Variants in LAMB3 observed in about 807,000 individuals in gnomAD.
LAMB3 encodes laminin subunit beta 3.
Under a neutral mutation model 140.3 loss-of-function variants are expected in LAMB3, and 104 were observed. The ratio of observed to expected loss-of-function variants is 0.74; its 90% CI spans 0.63 to 0.87. The LOEUF (loss-of-function observed/expected upper bound fraction) is 0.87, where lower values mean the gene tolerates loss of function less well. LAMB3 is among the 40% of genes least tolerant of loss of function. LAMB3 has a pLI of 0.00. For missense variants in LAMB3, 1,531 were observed against 1,575.2 expected (o/e 0.97, Z 0.47); for synonymous variants, 592 against 602.9 (o/e 0.98, Z 0.26).
At chr1:209,633,036 T>C (rs1241922744) in intron 7 of LAMB3, 34 bp downstream of exon 7, 26 of 1,493,740 alleles carry the variant, frequency 1.7e-5, no homozygotes, top group South Asian at 3.4e-5. Flanking sequence ...TTCCCACCCA[T>C]AGTTCCATGG....
Position 209,630,748 on chromosome 1 carries a change from C to T in LAMB3, c.823-13G>A, listed in dbSNP as rs984312974. 1 of 1,613,242 alleles carries T rather than the reference C, an allele frequency of 6.2e-7. No homozygotes were observed. The highest frequency in any genetic ancestry group is 8.5e-7 in the Non-Finnish European group (1 of 1,179,908). On this transcript the variant is annotated splice_polypyrimidine_tract_variant and intron_variant, in intron 8 of 22. Coordinates refer to ENST00000356082, the MANE Select transcript of LAMB3 (RefSeq NM_000228.3). ...AGACATCGTGGACCTGGGAGGGGGA[C>T]CGTCAGCCATCAGGAGTAATCAACA...
At chr1:209,635,848 C>T (rs1300994590) in intron 5 of LAMB3, among the ~76,000 whole-genome samples, 4 of 152,206 alleles carry the variant, frequency 2.6e-5, no homozygotes, top group Admixed American at 2.6e-4. Flanking sequence ...AACTTCTGAC[C>T]ATGAGTGAAG....
At chr1:209,636,680 C>T (rs1466082743) in intron 5 of LAMB3, among the ~76,000 whole-genome samples, 4 of 152,166 alleles carry the variant, frequency 2.6e-5, no homozygotes, top group African/African-American at 7.2e-5. Context: ...ATCTTCTTGC[C>T]GCCTGCCTCC....
In LAMB3 at chr1:209,627,391, A is replaced by G. The variant is rs762462819; in HGVS notation, c.1477T>C (p.Cys493Arg). 10 of 1,613,012 alleles carry G rather than the reference A, an allele frequency of 6.2e-6. No homozygotes were observed. In the South Asian group the frequency reaches 1.1e-4, roughly 18 times the overall value. ...CDPHNSLSPQ[C>R]NQFTGQCPCR... is the part of the protein sequence containing the mutation. ...CCACCCTCACTTCGTACCTGGTTGC[A>G]CTGTGGGCTGAGGGAGTTGTGCGGG... The change falls in exon 12 of 23, where the codon TGC becomes CGC. Residue 493 changes from cysteine to arginine, a missense_variant. Physicochemically the swap from Cys to Arg is radical, Grantham distance 180. Coordinates refer to ENST00000356082, the MANE Select transcript of LAMB3 (RefSeq NM_000228.3).
In LAMB3 at chr1:209,634,396, G is replaced by T. The variant is rs747199200; in HGVS notation, c.564+51C>A. 28 of 1,553,082 alleles carry T rather than the reference G, an allele frequency of 1.8e-5. No individual in the cohort carries two copies. In the Admixed American group the frequency reaches 4.7e-4, roughly 26 times the overall value. On this transcript the variant is annotated intron_variant, in intron 6 of 22. Transcript: ENST00000356082. ...GTCCGTGTGGCTGTGTGAACAGTGG[G>T]ACATCAGGGATTTCTCCCCAGGCCT... is the stretch of plus-strand genomic sequence containing the variant.
chr1:209,614,941 G>C lies in LAMB3; in HGVS notation c.*330C>G. Reference sequence around the variant, plus strand: ...GGCTTTTCATTTTTACATCACTTTTGTTAAGTTTTTGTGCTTGGTCCAGGA... The same window carrying C: ...GGCTTTTCATTTTTACATCACTTTTCTTAAGTTTTTGTGCTTGGTCCAGGA... On this transcript the variant is annotated 3_prime_UTR_variant, in exon 23 of 23. Transcript: ENST00000356082. The C allele has an allele frequency of 4.0e-6, 1 of 252,502 alleles. No individual in the cohort carries two copies. Among genetic ancestry groups the C allele is most frequent in the Non-Finnish European group, 7.5e-6 (1 of 133,604 alleles). 15.6% of individuals were successfully genotyped at this position (252,502 alleles called of 1,614,324 possible).
rs199599061 is a variant in LAMB3, at chr1:209,637,941, T to A, written c.339A>T (p.Arg113Ser). The A allele has an allele frequency of 2.4e-5, 39 of 1,613,168 alleles. No individual in the cohort carries two copies. The highest frequency in any genetic ancestry group is 3.2e-5 in the Non-Finnish European group (38 of 1,179,758). Residue 113 changes from arginine to serine, a missense_variant, in exon 5 of 23, where the codon AGA becomes AGT. By Grantham distance (110) the Arg-to-Ser change is moderately radical. Coordinates refer to ENST00000356082, the MANE Select transcript of LAMB3 (RefSeq NM_000228.3). ...PVSLQLDLDR[R>S]FQLQEVMMEF... is the part of the protein sequence containing the mutation. ...CCATCATGACTTCTTGAAGCTGGAATCTCCTGTCCAGGTCCAGCTGCAGAG... is the reference window on the plus strand; with the variant it reads ...CCATCATGACTTCTTGAAGCTGGAAACTCCTGTCCAGGTCCAGCTGCAGAG...
At chr1:209,635,128 T>C (rs1166536534) in intron 5 of LAMB3, among the ~76,000 whole-genome samples, 2 of 152,182 alleles carry the variant, frequency 1.3e-5, no homozygotes, top group African/African-American at 2.4e-5. Flanking sequence ...GCATGACATA[T>C]TGAGTCCCTG....
chr1:209,640,834 C>T (rs993170594), intron 3 of LAMB3, among the ~76,000 whole-genome samples: 13 of 152,088 alleles, frequency 8.5e-5, no homozygotes, highest in South Asian at 2.1e-4. Context: ...ATAATCCCAG[C>T]GCTTTGGGAG....
chr1:209,628,419 T>C (rs1666556245), intron 10 of LAMB3, among the ~76,000 whole-genome samples: 1 of 152,238 alleles, frequency 6.6e-6, no homozygotes, highest in African/African-American at 2.4e-5. Context: ...AGTAAATGGC[T>C]GTGCGCGGTG....
At chr1:209,627,319 G>A (rs1451933287) in intron 12 of LAMB3, 64 bp downstream of exon 12, 1 of 1,350,914 alleles carries the variant, frequency 7.4e-7, no homozygotes, top group Non-Finnish European at 1.0e-6. Flanking sequence ...AGGGGCAGCA[G>A]AGAGGCTGGT....
intron 6 of LAMB3, among the ~76,000 whole-genome samples, chr1:209,634,143 T>C (rs923759965): frequency 6.6e-6 from 1 of 152,122 alleles, no homozygotes; most frequent in Non-Finnish European, 1.5e-5. Context: ...GTAGGGTCGA[T>C]TTCATCTTCC....
At chr1:209,638,323 C>T (rs1666958574) in intron 4 of LAMB3, among the ~76,000 whole-genome samples, 1 of 152,166 alleles carries the variant, frequency 6.6e-6, no homozygotes, top group East Asian at 1.9e-4. Context: ...TTCCTCTCTC[C>T]TCACACCCTT....
intron 1 of LAMB3, chr1:209,651,303 A>C (rs2076564892): frequency 2.9e-6 from 1 of 344,248 alleles, no homozygotes. Flanking sequence ...CGTGGGGAGC[A>C]GGAAAAGGCT....
At chr1:209,617,298 G>A in intron 21 of LAMB3, 112 bp downstream of exon 21, 1 of 1,225,982 alleles carries the variant, frequency 8.2e-7, no homozygotes, top group Non-Finnish European at 1.2e-6. Flanking sequence ...TTCTGGTTCT[G>A]TTATTCTAAG....
chr1:209,647,720 T>A (rs1465374787), intron 3 of LAMB3, among the ~76,000 whole-genome samples: 2 of 152,152 alleles, frequency 1.3e-5, no homozygotes, highest in African/African-American at 4.8e-5. Context: ...GTACACCCCC[T>A]ATCTCTAACT....
rs1352683053 is a variant in LAMB3 at position 209,617,872 on chromosome 1, C to T, written c.3051+35G>A. The T allele has an allele frequency of 2.5e-6, 4 of 1,614,006 alleles. No homozygotes were observed. In the South Asian group the frequency reaches 4.4e-5, roughly 18 times the overall value. On this transcript the variant is annotated intron_variant, in intron 20 of 22. Coordinates refer to ENST00000356082, the MANE Select transcript of LAMB3 (RefSeq NM_000228.3). Reference sequence around the variant, plus strand: ...TGGTGCCCAAATTTTCCTGTTTATGCCCAAATATGGGCGGAGGAAGCCATA... The same window carrying T: ...TGGTGCCCAAATTTTCCTGTTTATGTCCAAATATGGGCGGAGGAAGCCATA...
At position 209,623,349 on chromosome 1, in the gene LAMB3, C is replaced by A; in HGVS notation, c.2358+156G>T. 9.9e-7 allele frequency: 1 copy of A among 1,014,176 alleles called. No homozygotes were observed. The highest frequency in any genetic ancestry group is 1.3e-5 in the South Asian group (1 of 74,162). The allele number at this position is 1,014,176 out of a possible 1,614,324, so 62.8% of individuals were successfully genotyped here. ...CAGAAACTGGTTTCCTTGGCAACCA[C>A]TGAGCTCACAGTGAGCAGTACAAGG... On this transcript the variant is annotated intron_variant, in intron 16 of 22. Transcript: ENST00000356082. This position sits in a 1 kb window ranked among gnomAD's most constrained non-coding sequence, Gnocchi z 4.2.
At position 209,623,893 on chromosome 1, in the gene LAMB3, A is replaced by G. The variant is rs764979701; in HGVS notation, c.2084T>C (p.Met695Thr). ...LDRSFNGLLT[M>T]YQRKREQFEK... is the part of the protein sequence containing the mutation. ...AAACTGCTCCCTCTTCCTCTGATAC[A>G]TAGTAAGGAGACCATTGAAGCTTCT... The change falls in exon 15 of 23, where the codon ATG becomes ACG. Residue 695 changes from methionine (M) to threonine (T), a missense_variant. Met to Thr is a moderately conservative substitution (Grantham distance 81, BLOSUM62 -1). Transcript: ENST00000356082. The surrounding 1 kb of genome is among the most constrained non-coding windows in gnomAD (Gnocchi z 4.2). 1.1e-5 allele frequency: 17 copies of G among 1,614,020 alleles called. No homozygotes were observed. The East Asian group carries it at 3.6e-4, about 34-fold the overall frequency.
Sources: gnomAD v4.1 joint callset for allele counts (sites outside exome capture counted in the v4.1 genomes callset) on GRCh38, gnomAD v4.1.1 for gene constraint, Gnocchi (gnomAD v3.1) non-coding constraint, MANE v1.5 for transcripts, NCBI Gene and HGNC (gene_info 2026-07-23, HGNC 2026-07-21) for gene names.